TLL1: variants seen among roughly 807,000 people sequenced by gnomAD.
The protein encoded by TLL1 is tolloid like 1.
A neutral mutation model predicts 128.2 loss-of-function variants in TLL1; 49 were observed. That is an observed-to-expected ratio of 0.38 (90% CI 0.30 to 0.48). The LOEUF is 0.48. Ranked by LOEUF, TLL1 falls within the 20% of genes least tolerant of loss-of-function variation. TLL1 has a pLI of 0.96. For missense variants in TLL1, 1,123 were observed against 1,242.0 expected, an observed-to-expected ratio of 0.90 and a Z score of 1.44; for synonymous variants, 454 against 418.8, an observed-to-expected ratio of 1.08 and a Z score of -1.03.
chr4:166,001,123 T>G (rs541636993), intron 5 of TLL1, among the ~76,000 whole-genome samples: 8 of 152,208 alleles, frequency 5.3e-5, no homozygotes, highest in African/African-American at 1.9e-4. Flanking sequence ...AATAGTGAAA[T>G]TCCTTTTAAT....
At chr4:165,989,574 T>G in intron 2 of TLL1, 83 bp downstream of exon 2, 2 of 989,236 alleles carry the variant, frequency 2.0e-6, no homozygotes, top group Non-Finnish European at 3.2e-6. Flanking sequence ...TTGGATCATT[T>G]TTCATCTCCT....
At chr4:165,996,886 ATTTAT>A (rs911667427) in intron 5 of TLL1, among the ~76,000 whole-genome samples, 3 of 150,388 alleles carry the variant, frequency 2.0e-5, no homozygotes, top group African/African-American at 4.9e-5. Context: ...ATATATTAAT[ATTTAT>A]TTGTACATGC....
At chr4:166,002,608 C>A (rs1351210236) in intron 5 of TLL1, among the ~76,000 whole-genome samples, 2 of 151,952 alleles carry the variant, frequency 1.3e-5, no homozygotes, top group South Asian at 2.1e-4. Flanking sequence ...CTATGCCCAG[C>A]TAATTTTTGA....
intron 5 of TLL1, among the ~76,000 whole-genome samples, chr4:166,001,156 C>T (rs1350928412): frequency 6.6e-6 from 1 of 152,108 alleles, no homozygotes; most frequent in Non-Finnish European, 1.5e-5. Flanking sequence ...TAGTTTTTGG[C>T]ATTTTTCTCT....
chr4:166,065,971 A>G, intron 16 of TLL1, 108 bp downstream of exon 16: 2 of 547,466 alleles, frequency 3.7e-6, no homozygotes, highest in South Asian at 2.3e-5. Context: ...CAACTTGAAG[A>G]TAAGTAGGCC....
chr4:166,040,355 T>C (rs1739189356), intron 10 of TLL1, among the ~76,000 whole-genome samples: 3 of 152,186 alleles, frequency 2.0e-5, no homozygotes. Context: ...GAAAACATTG[T>C]CTTCCATATT....
intron 1 of TLL1, among the ~76,000 whole-genome samples, chr4:165,931,521 T>A (rs896344759): frequency 1.7e-5 from 2 of 119,792 alleles, no homozygotes; most frequent in Admixed American, 1.5e-4. Context: ...GATTGAGACC[T>A]CCTGGCCAAC....
Position 165,971,271 on chromosome 4 carries a change from G to A in TLL1, c.170-18110G>A, listed in dbSNP as rs1735616326. On this transcript the variant is annotated intron_variant, in intron 1 of 20. Transcript: ENST00000061240. ...AGCTAGTGATATCACCCCCATGCAT[G>A]TCCCTAAGGACTCTAAGCCACTGCT... Among the ~76,000 whole-genome samples the A allele has an allele frequency of 4.6e-5, 7 of 152,284 alleles. No individual in the cohort carries two copies. The South Asian group carries it at 1.4e-3, about 32-fold the overall frequency.
At chr4:165,960,981 G>C (rs1430676096) in intron 1 of TLL1, among the ~76,000 whole-genome samples, 3 of 151,982 alleles carry the variant, frequency 2.0e-5, no homozygotes, top group African/African-American at 7.2e-5. Flanking sequence ...GGAATAATCA[G>C]GCAAGAGAAA....
At chr4:165,936,227 T>C (rs1241302764) in intron 1 of TLL1, among the ~76,000 whole-genome samples, 3 of 145,950 alleles carry the variant, frequency 2.1e-5, no homozygotes, top group Non-Finnish European at 4.5e-5. Context: ...TTTTTTCTTT[T>C]TTTTTTTTTT....
chr4:165,936,818 A>C (rs1733784322), intron 1 of TLL1, among the ~76,000 whole-genome samples: 1 of 152,108 alleles, frequency 6.6e-6, no homozygotes, highest in Non-Finnish European at 1.5e-5. Flanking sequence ...CTGTAATCCC[A>C]GCTACTCGGG....
chr4:166,043,814 CTTT>C (rs35370029), intron 12 of TLL1, among the ~76,000 whole-genome samples: 3 of 148,126 alleles, frequency 2.0e-5, no homozygotes, highest in African/African-American at 4.9e-5. Context: ...CATTTTTCAC[CTTT>C]TTTTTTTTTA....
intron 1 of TLL1, among the ~76,000 whole-genome samples, chr4:165,886,510 A>T (rs1731169528): frequency 6.6e-6 from 1 of 152,212 alleles, no homozygotes; most frequent in African/African-American, 2.4e-5. Flanking sequence ...TTAACTATCA[A>T]TATAAAAATG....
At chr4:165,938,567 A>G (rs1222081937) in intron 1 of TLL1, among the ~76,000 whole-genome samples, 2 of 151,892 alleles carry the variant, frequency 1.3e-5, no homozygotes, top group Non-Finnish European at 2.9e-5. Flanking sequence ...TTTTATCTTT[A>G]TTTGTCTACT....
rs188297810 is a variant in TLL1 at position 165,950,370 on chromosome 4, C to T, written c.170-39011C>T. On this transcript the variant is annotated intron_variant, in intron 1 of 20. Transcript: ENST00000061240. ...GTCACTTATTGGTAGAACAAATAGG[C>T]GATAAATGAGCAAATATATTTGGAA... Among the ~76,000 whole-genome samples, 199 of 152,012 alleles carry T rather than the reference C, an allele frequency of 1.3e-3. 2 individuals carry two copies. The highest frequency in any genetic ancestry group is 4.5e-3 in the African/African-American group (185 of 41,492).
Position 166,097,990 on chromosome 4 carries a change from T to TG in TLL1, c.2657-1283dup, listed in dbSNP as rs1195634725. On this transcript the variant is annotated intron_variant, in intron 19 of 20. Transcript: ENST00000061240. ...CACCATGCTTGCTTGGATAGGTTGG[T>TG]GGGGCATTGTAGGCTTTCTGCCTTT... Among the ~76,000 whole-genome samples, 5 of 152,164 alleles carry TG rather than the reference T, an allele frequency of 3.3e-5. No individual in the cohort carries two copies. In the East Asian group the frequency reaches 9.7e-4, roughly 30 times the overall value.
intron 1 of TLL1, among the ~76,000 whole-genome samples, chr4:165,949,995 A>G (rs1240776606): frequency 1.3e-5 from 2 of 152,192 alleles, no homozygotes; most frequent in African/African-American, 4.8e-5. Flanking sequence ...CAGATTGGAT[A>G]TAAAAGAAAG....
At position 166,100,858 on chromosome 4, in the gene TLL1, C is replaced by A. The variant is rs769518828; in HGVS notation, c.3024C>A (p.Thr1008=). The part of the protein sequence containing the change: ...IRYKSIRYPD[T]THTKK The stretch of plus-strand genomic sequence containing the variant: ...ACAAAAGCATAAGATATCCAGATAC[C>A]ACACATACCAAAAAATAACACCAAA... The change falls in exon 21 of 21, where the codon ACC becomes ACA. Residue 1008 remains threonine (T), a synonymous_variant. Coordinates refer to ENST00000061240, the MANE Select transcript of TLL1 (RefSeq NM_012464.5). 5.6e-6 allele frequency: 9 copies of A among 1,612,498 alleles called. No homozygotes were observed. Among genetic ancestry groups the A allele is most frequent in the Non-Finnish European group, 8.5e-7 (1 of 1,179,182 alleles).
intron 1 of TLL1, among the ~76,000 whole-genome samples, chr4:165,915,520 T>G (rs1230881536): frequency 6.6e-6 from 1 of 152,194 alleles, no homozygotes; most frequent in Non-Finnish European, 1.5e-5. Flanking sequence ...ACTGTTCATA[T>G]GATTGAAGTT....
Sources: gnomAD v4.1 joint callset for allele counts (sites outside exome capture counted in the v4.1 genomes callset) on GRCh38, gnomAD v4.1.1 for gene constraint, MANE v1.5 for transcripts, NCBI Gene and HGNC (gene_info 2026-07-23, HGNC 2026-07-21) for gene names.